ANKS1B: variants seen among roughly 807,000 people sequenced by gnomAD.
ANKS1B encodes the protein ankyrin repeat and sterile alpha motif domain-containing protein 1B.
ANKS1B carries 36 observed loss-of-function variants against 148.3 expected under a neutral mutation model. The ratio of observed to expected loss-of-function variants is 0.24; its 90% CI spans 0.19 to 0.32. ANKS1B has a LOEUF of 0.32. Ranked by LOEUF, ANKS1B falls within the 10% of genes least tolerant of loss-of-function variation. The pLI, the probability that ANKS1B is intolerant of heterozygous loss-of-function variation, is 1.00. For synonymous variants in ANKS1B, 542 were observed against 560.8 expected (o/e 0.97, Z 0.47); for missense variants, 1,157 against 1,542.6 (o/e 0.75, Z 4.19).
chr12:98,854,098 A>G (rs975690057), intron 17 of ANKS1B, among the ~76,000 whole-genome samples: 4 of 152,238 alleles, frequency 2.6e-5, no homozygotes, highest in African/African-American at 7.2e-5. Flanking sequence ...GAAGAACACA[A>G]GTATCACTAT....
intron 4 of ANKS1B, among the ~76,000 whole-genome samples, chr12:99,804,330 T>G (rs939310517): frequency 6.6e-6 from 1 of 152,208 alleles, no homozygotes; most frequent in Non-Finnish European, 1.5e-5. Flanking sequence ...CCTACTTATT[T>G]TCAATACCCC....
In ANKS1B at chr12:99,910,354, CAAAAAAAAAAAA is replaced by C. The variant is rs57222450; in HGVS notation, c.134+73738_134+73749del. ...TGGGCTACAGGGCAAGACTCCATCT[CAAAAAAAAAAAA>C]AAAAAAAAAAAGAGGAATAAAGTAC... is the stretch of plus-strand genomic sequence containing the variant. On this transcript the variant is annotated intron_variant, in intron 1 of 26. Transcript: ENST00000683438. Among the ~76,000 whole-genome samples, 134 of 51,112 alleles carry C rather than the reference CAAAAAAAAAAAA, an allele frequency of 2.6e-3. 2 individuals are homozygous for C. The highest frequency in any genetic ancestry group is 9.6e-3 in the African/African-American group (119 of 12,442). The allele number at this position is 51,112 out of a possible 152,430, so 33.5% of individuals were successfully genotyped here.
intron 12 of ANKS1B, among the ~76,000 whole-genome samples, chr12:99,285,763 G>C (rs189059765): frequency 4.6e-5 from 7 of 152,214 alleles, no homozygotes; most frequent in South Asian, 2.1e-4. Context: ...GGGAGGAAGA[G>C]AGCAGTAATT....
chr12:99,305,275 T>G (rs557038115), intron 12 of ANKS1B, among the ~76,000 whole-genome samples: 1 of 152,148 alleles, frequency 6.6e-6, no homozygotes, highest in African/African-American at 2.4e-5. Context: ...AACATGAGAT[T>G]TGGAGGGGTC....
intron 10 of ANKS1B, among the ~76,000 whole-genome samples, chr12:99,478,432 G>T (rs1052227657): frequency 6.6e-6 from 1 of 151,934 alleles, no homozygotes; most frequent in African/African-American, 2.4e-5. Flanking sequence ...ATTTAGTTTG[G>T]GTTTAGTAAT....
chr12:99,780,442 ATT>A lies in ANKS1B; in HGVS notation c.746-472_746-471del, dbSNP rs36088512. On this transcript the variant is annotated intron_variant, in intron 5 of 26. Coordinates refer to ENST00000683438, the MANE Select transcript of ANKS1B (RefSeq NM_001352186.2). Reference sequence around the variant, plus strand: ...AGGTGCCCACCACCATGCCCAACTAATTTTTTTTTTTTTGTATTTTTAGTAGA... The same window carrying A: ...AGGTGCCCACCACCATGCCCAACTAATTTTTTTTTTTGTATTTTTAGTAGA... 2.0e-3 allele frequency among the ~76,000 whole-genome samples: 293 copies of A among 147,900 alleles called. 1 individual carries two copies. The highest frequency in any genetic ancestry group is 5.8e-3 in the East Asian group (29 of 5,006).
At chr12:98,795,056 A>T in intron 22 of ANKS1B, 1 of 643,312 alleles carries the variant, frequency 1.6e-6, no homozygotes, top group East Asian at 2.7e-5. Context: ...TATTTTTTAC[A>T]TAAGGCCACT....
chr12:99,015,810 G>A (rs1384302414), intron 17 of ANKS1B, among the ~76,000 whole-genome samples: 2 of 152,156 alleles, frequency 1.3e-5, no homozygotes, highest in African/African-American at 4.8e-5. Context: ...AGCTTGCAGT[G>A]AGCTGAGATC....
At chr12:99,584,092 G>A (rs991973362) in intron 9 of ANKS1B, among the ~76,000 whole-genome samples, 2 of 152,178 alleles carry the variant, frequency 1.3e-5, no homozygotes, top group Admixed American at 6.5e-5. Flanking sequence ...ATATGACAAT[G>A]TAAAAAGGTA....
intron 17 of ANKS1B, among the ~76,000 whole-genome samples, chr12:98,925,899 A>G (rs1489978057): frequency 6.6e-6 from 1 of 152,184 alleles, no homozygotes; most frequent in Non-Finnish European, 1.5e-5. Context: ...TTTTTGAAAT[A>G]ATCAGCAAAA....
intron 14 of ANKS1B, among the ~76,000 whole-genome samples, chr12:99,185,789 T>C (rs558760554): frequency 2.0e-5 from 3 of 152,260 alleles, no homozygotes; most frequent in Non-Finnish European, 4.4e-5. Context: ...ACAAGGGCCC[T>C]GGGTTTCAAG....
intron 9 of ANKS1B, among the ~76,000 whole-genome samples, chr12:99,639,084 A>T (rs982719231): frequency 5.3e-5 from 8 of 151,892 alleles, no homozygotes; most frequent in African/African-American, 1.9e-4. Flanking sequence ...CTCATGGAGA[A>T]CCTCTGATAG....
chr12:99,267,027 T>C (rs2076514222), intron 12 of ANKS1B, among the ~76,000 whole-genome samples: 2 of 152,186 alleles, frequency 1.3e-5, no homozygotes, highest in African/African-American at 4.8e-5. Flanking sequence ...TTAAGTATCA[T>C]AAGAGTATTT....
At chr12:99,083,651 C>G (rs1040141797) in intron 16 of ANKS1B, 1 of 152,088 alleles carries the variant, frequency 6.6e-6, no homozygotes, top group African/African-American at 2.4e-5. Flanking sequence ...ATAAAACTTA[C>G]CATCATCGCC....
chr12:98,781,380 G>A, intron 23 of ANKS1B, 177 bp from the exon 24 acceptor site: 2 of 671,262 alleles, frequency 3.0e-6, no homozygotes. Context: ...TTTAATGTCT[G>A]CCTCTCCTCT....
Position 99,196,586 on chromosome 12 carries a change from GT to G in ANKS1B, c.2420-42192del, listed in dbSNP as rs147640434. On this transcript the variant is annotated intron_variant, in intron 14 of 26. Transcript: ENST00000683438. ...GGGTGAGTTGCTCTGGATGCTTTCT[GT>G]TTTTTTTTGTTTGTTTTTGTTTTTT... 7.4e-5 allele frequency among the ~76,000 whole-genome samples: 11 copies of G among 147,984 alleles called. No individual in the cohort carries two copies. The South Asian group carries it at 1.3e-3, about 17-fold the overall frequency.
chr12:99,575,319 T>C (rs189795621), intron 9 of ANKS1B, among the ~76,000 whole-genome samples: 3 of 152,194 alleles, frequency 2.0e-5, no homozygotes, highest in Non-Finnish European at 4.4e-5. Flanking sequence ...AGAAATATGA[T>C]CCTTTCCAGA....
At chr12:99,702,393 T>A (rs906312111) in intron 8 of ANKS1B, among the ~76,000 whole-genome samples, 1 of 152,154 alleles carries the variant, frequency 6.6e-6, no homozygotes, top group Non-Finnish European at 1.5e-5. Context: ...GATTGTTGTA[T>A]CTTTTTCCTG....
chr12:99,901,449 T>C (rs139371334), intron 1 of ANKS1B, among the ~76,000 whole-genome samples: 2 of 152,308 alleles, frequency 1.3e-5, no homozygotes, highest in East Asian at 1.9e-4. Context: ...TTGCAAAAGA[T>C]AGAGACAGAA....
Sources: allele counts gnomAD v4.1 joint callset (sites outside exome capture counted in the v4.1 genomes callset), GRCh38; gene constraint gnomAD v4.1.1; transcripts MANE v1.5; gene names NCBI Gene and HGNC (gene_info 2026-07-23, HGNC 2026-07-21).